The following NTN4 variants were observed in gnomAD, a reference collection of about 807,000 sequenced individuals.
The protein encoded by NTN4 is netrin 4.
NTN4 carries 32 observed loss-of-function variants against 73.6 expected under a neutral mutation model. The observed-to-expected ratio is 0.44, with a 90% confidence interval of 0.33 to 0.58. The LOEUF (loss-of-function observed/expected upper bound fraction) is 0.58, where lower values mean the gene tolerates loss of function less well. Among genes scored for constraint, NTN4 ranks in the 20% least tolerant of loss-of-function variants. The probability of loss-of-function intolerance (pLI) is 0.04; values close to 1 mark genes in which losing one functional copy is unlikely to be tolerated. For missense variants in NTN4, 654 were observed against 798.3 expected (o/e 0.82, Z 2.18); for synonymous variants, 258 against 287.5 (o/e 0.90, Z 1.04).
chr12:95,733,027 CTT>C (rs2078750107), intron 3 of NTN4, among the ~76,000 whole-genome samples: 1 of 152,190 alleles, frequency 6.6e-6, no homozygotes, highest in African/African-American at 2.4e-5. Context: ...TATTGACCAT[CTT>C]TTAAAATAAG....
Position 95,790,615 on chromosome 12 carries a change from C to A in NTN4, c.-306G>T. 1 of 221,220 alleles carries A rather than the reference C, an allele frequency of 4.5e-6. No individual in the cohort carries two copies. The highest frequency in any genetic ancestry group is 1.7e-4 in the South Asian group (1 of 5,754). The allele number at this position is 221,220 out of a possible 1,614,324, so 13.7% of individuals were successfully genotyped here. A position where few individuals can be genotyped will look rare whatever the true frequency, so the allele number is the denominator to read the frequency against. On this transcript the variant is annotated 5_prime_UTR_variant, in exon 1 of 10. Transcript: ENST00000343702. The surrounding 1 kb of genome is among the most constrained non-coding windows in gnomAD (Gnocchi z 6.5). ...CCGCGGAGCGGCCCTGCGGGCTCGT[C>A]TGCCGCTAGCCCGGGGCTCGGCGCC...
chr12:95,764,217 A>T (rs1300913034), intron 2 of NTN4, among the ~76,000 whole-genome samples: 1 of 152,234 alleles, frequency 6.6e-6, no homozygotes, highest in Non-Finnish European at 1.5e-5. Flanking sequence ...GTGATGCAGG[A>T]GGCTGACTGG....
chr12:95,729,632 A>AGAGTGTGTGT (rs1555218229), intron 3 of NTN4, among the ~76,000 whole-genome samples: 40 of 124,084 alleles, frequency 3.2e-4, no homozygotes, highest in African/African-American at 1.1e-3. Flanking sequence ...AGAGAGAGAG[A>AGAGTGTGTGT]GTGTGTGTGT....
At chr12:95,676,650 A>G (rs1052728941) in intron 7 of NTN4, among the ~76,000 whole-genome samples, 3 of 152,270 alleles carry the variant, frequency 2.0e-5, no homozygotes, top group Admixed American at 6.5e-5. Context: ...GTTAATAATC[A>G]CTGGACTCAC....
chr12:95,765,080 A>C (rs1156369605), intron 2 of NTN4, among the ~76,000 whole-genome samples: 1 of 152,244 alleles, frequency 6.6e-6, no homozygotes, highest in African/African-American at 2.4e-5. Context: ...GTAGGTGGAT[A>C]CATTTCTTTC....
At chr12:95,704,704 G>A (rs547223085) in intron 5 of NTN4, among the ~76,000 whole-genome samples, 9 of 152,326 alleles carry the variant, frequency 5.9e-5, no homozygotes, top group African/African-American at 1.9e-4. Context: ...CAGAAAAAGA[G>A]AAGAACCAGA....
chr12:95,782,334 C>T (rs1045144477), intron 2 of NTN4, among the ~76,000 whole-genome samples: 1 of 151,462 alleles, frequency 6.6e-6, no homozygotes, highest in African/African-American at 2.4e-5. Flanking sequence ...CTCACTCTGT[C>T]GCCCAGGCTG....
intron 2 of NTN4, among the ~76,000 whole-genome samples, chr12:95,753,060 A>G (rs967764574): frequency 6.6e-6 from 1 of 151,902 alleles, no homozygotes; most frequent in Admixed American, 6.6e-5. Flanking sequence ...CCATGACTGT[A>G]TTTCTCTGAT....
At chr12:95,763,232 A>G (rs2079000419) in intron 2 of NTN4, among the ~76,000 whole-genome samples, 1 of 152,088 alleles carries the variant, frequency 6.6e-6, no homozygotes, top group African/African-American at 2.4e-5. Context: ...TATTAGAAAC[A>G]GCTCAAAGAA....
intron 2 of NTN4, among the ~76,000 whole-genome samples, chr12:95,774,767 CA>C (rs1410110171): frequency 2.0e-5 from 3 of 152,190 alleles, no homozygotes; most frequent in Non-Finnish European, 4.4e-5. Context: ...ATATTATCTA[CA>C]CCACATATTT....
chr12:95,700,680 G>A (rs1011681863), intron 5 of NTN4, among the ~76,000 whole-genome samples: 5 of 152,106 alleles, frequency 3.3e-5, no homozygotes, highest in African/African-American at 1.2e-4. Context: ...TTGCTAAATG[G>A]TGTGAATCAG....
intron 5 of NTN4, among the ~76,000 whole-genome samples, chr12:95,692,510 A>G (rs1022607994): frequency 6.6e-6 from 1 of 152,216 alleles, no homozygotes; most frequent in African/African-American, 2.4e-5. Context: ...ATCTATAGTT[A>G]TATGTTTGCA....
intron 2 of NTN4, among the ~76,000 whole-genome samples, chr12:95,755,709 C>A (rs987305631): frequency 6.6e-6 from 1 of 152,098 alleles, no homozygotes; most frequent in Non-Finnish European, 1.5e-5. Context: ...CTTACTTGTA[C>A]GATAATAACC....
Position 95,790,324 on chromosome 12 carries a change from G to A in NTN4, c.-15C>T, listed in dbSNP as rs11108265. ...CAGCTCCCCATGGCCGGGAGGAGCCGGGAGCAGCCGGGCCGGGCGGGTGCC... is the reference window on the plus strand; with the variant it reads ...CAGCTCCCCATGGCCGGGAGGAGCCAGGAGCAGCCGGGCCGGGCGGGTGCC... On this transcript the variant is annotated 5_prime_UTR_variant, in exon 1 of 10. Coordinates refer to ENST00000343702, the MANE Select transcript of NTN4 (RefSeq NM_021229.4). This position sits in a 1 kb window ranked among gnomAD's most constrained non-coding sequence, Gnocchi z 6.5. 421,903 of 1,523,268 alleles carry A rather than the reference G, an allele frequency of 0.28. 62,343 individuals carry two copies. The highest frequency in any genetic ancestry group is 0.31 in the Non-Finnish European group (349,194 of 1,135,764). The allele number at this position is 1,523,268 out of a possible 1,614,324, so 94.4% of individuals were successfully genotyped here.
chr12:95,777,906 A>G (rs968684411), intron 2 of NTN4, among the ~76,000 whole-genome samples: 7 of 50,984 alleles, frequency 1.4e-4, no homozygotes, highest in African/African-American at 7.0e-4. Context: ...AATTGACCAC[A>G]TAGCTGGAAG....
chr12:95,697,219 G>T (rs935300953), intron 5 of NTN4, among the ~76,000 whole-genome samples: 1 of 151,944 alleles, frequency 6.6e-6, no homozygotes, highest in Admixed American at 6.6e-5. Context: ...CTTGATAGGG[G>T]ACATTCTCCA....
intron 2 of NTN4, 103 bp from the exon 3 acceptor site, chr12:95,738,247 T>C (rs1383596787): frequency 1.9e-5 from 21 of 1,101,502 alleles, no homozygotes; most frequent in Non-Finnish European, 2.6e-5. Context: ...ATGTCATCTG[T>C]GAACGATAAG....
intron 2 of NTN4, among the ~76,000 whole-genome samples, chr12:95,763,588 A>C (rs561555454): frequency 3.3e-5 from 5 of 152,226 alleles, no homozygotes; most frequent in Non-Finnish European, 5.9e-5. Flanking sequence ...TACACCATTT[A>C]CCACTCTTGC....
At chr12:95,680,825 T>C (rs576147142) in intron 7 of NTN4, among the ~76,000 whole-genome samples, 93 of 152,282 alleles carry the variant, frequency 6.1e-4, no homozygotes, top group African/African-American at 2.0e-3. Flanking sequence ...GTGATCCTCC[T>C]GCTTAAGCCT....
Sources: gnomAD v4.1 joint callset for allele counts (sites outside exome capture counted in the v4.1 genomes callset) on GRCh38, gnomAD v4.1.1 for gene constraint, Gnocchi (gnomAD v3.1) non-coding constraint, MANE v1.5 for transcripts, NCBI Gene and HGNC (gene_info 2026-07-23, HGNC 2026-07-21) for gene names.